The following NCKAP5 variants were observed in gnomAD, a reference collection of about 807,000 sequenced individuals.
NCKAP5 encodes NCK associated protein 5.
NCKAP5 carries 92 observed loss-of-function variants against 167.0 expected under a neutral mutation model. The observed-to-expected ratio is 0.55, with a 90% CI of 0.47 to 0.66. The LOEUF (loss-of-function observed/expected upper bound fraction) is 0.66, where lower values mean the gene tolerates loss of function less well. Ranked by LOEUF, NCKAP5 falls within the 30% of genes least tolerant of loss-of-function variation. The pLI, the probability that NCKAP5 is intolerant of heterozygous loss-of-function variation, is 0.00. For missense variants in NCKAP5, 2,378 were observed against 2,315.0 expected (o/e 1.03, Z -0.56); for synonymous variants, 891 against 877.4 (o/e 1.02, Z -0.27).
At chr2:133,473,695 C>T (rs1056178431) in intron 3 of NCKAP5, among the ~76,000 whole-genome samples, 1 of 152,210 alleles carries the variant, frequency 6.6e-6, no homozygotes, top group African/African-American at 2.4e-5. Context: ...TTCAGCTATT[C>T]TAAAATTACC....
intron 7 of NCKAP5, among the ~76,000 whole-genome samples, chr2:132,981,596 C>T (rs2077144268): frequency 6.6e-6 from 1 of 152,210 alleles, no homozygotes; most frequent in Non-Finnish European, 1.5e-5. Flanking sequence ...AGGAATTAGT[C>T]TATTGAATAA....
chr2:133,407,844 T>C (rs1688534276), intron 3 of NCKAP5, among the ~76,000 whole-genome samples: 4 of 152,172 alleles, frequency 2.6e-5, no homozygotes, highest in Non-Finnish European at 1.5e-5. Flanking sequence ...GGCTTGATAT[T>C]ATAAGTTGTT....
At chr2:133,384,162 T>A in intron 3 of NCKAP5, among the ~76,000 whole-genome samples, 1 of 152,194 alleles carries the variant, frequency 6.6e-6, no homozygotes, top group East Asian at 1.9e-4. Context: ...ATTGCCTAAG[T>A]TTTCTTCTAG....
At position 132,709,700 on chromosome 2, in the gene NCKAP5, T is replaced by A. The variant is rs559941676; in HGVS notation, c.5713+15927A>T. On this transcript the variant is annotated intron_variant, in intron 19 of 19. Coordinates refer to ENST00000409261, the MANE Select transcript of NCKAP5 (RefSeq NM_207363.3). Reference sequence around the variant, plus strand: ...ACTAGTAATAAACTATTAATAAAAGTCACTAACCATCTGCCTACAAACAAA... The same window carrying A: ...ACTAGTAATAAACTATTAATAAAAGACACTAACCATCTGCCTACAAACAAA... Among the ~76,000 whole-genome samples, 19 of 152,180 alleles carry A rather than the reference T, an allele frequency of 1.2e-4. No individual in the cohort carries two copies. In the East Asian group the frequency reaches 3.7e-3, roughly 29 times the overall value.
At chr2:133,065,603 G>A (rs1272984582) in intron 6 of NCKAP5, among the ~76,000 whole-genome samples, 3 of 152,158 alleles carry the variant, frequency 2.0e-5, no homozygotes, top group East Asian at 1.9e-4. Context: ...CCAGCCTGGC[G>A]ACAGAGCGAG....
chr2:133,299,271 A>G (rs1488316304), intron 4 of NCKAP5, among the ~76,000 whole-genome samples: 1 of 152,196 alleles, frequency 6.6e-6, no homozygotes, highest in Non-Finnish European at 1.5e-5. Context: ...GAAAGAAGAT[A>G]AATTTTGAGG....
intron 2 of NCKAP5, among the ~76,000 whole-genome samples, chr2:133,517,801 A>G (rs1311267012): frequency 1.3e-5 from 2 of 152,148 alleles, no homozygotes. Context: ...AGGTTTTGCT[A>G]ATGGAGTTGG....
chr2:133,369,773 T>C (rs1353150035), intron 3 of NCKAP5, among the ~76,000 whole-genome samples: 1 of 152,260 alleles, frequency 6.6e-6, no homozygotes, highest in Non-Finnish European at 1.5e-5. Context: ...TTCTTTCGAT[T>C]TATTTGTGCG....
chr2:133,376,606 G>T (rs947215685), intron 3 of NCKAP5, among the ~76,000 whole-genome samples: 10 of 152,132 alleles, frequency 6.6e-5, no homozygotes, highest in Non-Finnish European at 1.3e-4. Flanking sequence ...CCCAAACTGT[G>T]GGCTGGGTAA....
intron 8 of NCKAP5, among the ~76,000 whole-genome samples, chr2:132,914,518 C>T (rs1694710899): frequency 6.6e-6 from 1 of 151,918 alleles, no homozygotes; most frequent in African/African-American, 2.4e-5. Context: ...CCCCCTTTCA[C>T]AAATAGTCTC....
At chr2:133,306,704 T>C (rs1316391860) in intron 3 of NCKAP5, among the ~76,000 whole-genome samples, 2 of 152,176 alleles carry the variant, frequency 1.3e-5, no homozygotes, top group African/African-American at 4.8e-5. Flanking sequence ...CTGTGATTCT[T>C]ATTATGAGGT....
At chr2:132,992,688 C>T (rs1335903649) in intron 7 of NCKAP5, among the ~76,000 whole-genome samples, 1 of 152,042 alleles carries the variant, frequency 6.6e-6, no homozygotes, top group African/African-American at 2.4e-5. Flanking sequence ...AAATTTTTTC[C>T]CTTTCTTTAG....
At chr2:133,383,468 T>C (rs541800815) in intron 3 of NCKAP5, among the ~76,000 whole-genome samples, 9 of 152,362 alleles carry the variant, frequency 5.9e-5, no homozygotes, top group African/African-American at 2.2e-4. Flanking sequence ...CTATCATTGT[T>C]GGACATTTGG....
chr2:132,848,869 C>A (rs1688871490), intron 11 of NCKAP5, among the ~76,000 whole-genome samples: 1 of 151,954 alleles, frequency 6.6e-6, no homozygotes, highest in Non-Finnish European at 1.5e-5. Flanking sequence ...AAAAAGTGAA[C>A]AGAAAAAGCT....
At chr2:133,367,289 C>CGGA (rs1189253634) in intron 3 of NCKAP5, among the ~76,000 whole-genome samples, 1 of 152,268 alleles carries the variant, frequency 6.6e-6, no homozygotes, top group East Asian at 1.9e-4. Flanking sequence ...AAAGCCACAG[C>CGGA]GGAGGTGACC....
intron 11 of NCKAP5, among the ~76,000 whole-genome samples, chr2:132,835,764 A>G (rs1687847486): frequency 1.3e-5 from 2 of 152,076 alleles, no homozygotes; most frequent in South Asian, 4.1e-4. Flanking sequence ...TATTTTATCC[A>G]AGTAAAATAT....
At chr2:133,672,187 T>C in the NCKAP5 span, among the ~76,000 whole-genome samples, 3 of 152,284 alleles carry the variant, frequency 2.0e-5, no homozygotes, top group East Asian at 5.8e-4. Flanking sequence ...AAAAGACTTC[T>C]AGGTAAAGCA....
chr2:132,684,629 A>T (rs1685691074), intron 19 of NCKAP5, among the ~76,000 whole-genome samples: 1 of 152,234 alleles, frequency 6.6e-6, no homozygotes, highest in Admixed American at 6.5e-5. Context: ...TAGTTGTATT[A>T]TAAACTGCCT....
chr2:132,968,206 C>T (rs1047049378), intron 7 of NCKAP5, among the ~76,000 whole-genome samples: 2 of 152,120 alleles, frequency 1.3e-5, no homozygotes, highest in African/African-American at 4.8e-5. Context: ...GAAGTCTAGA[C>T]GTAGGGGAGT....
Sources: gnomAD v4.1 joint callset for allele counts (sites outside exome capture counted in the v4.1 genomes callset) on GRCh38, gnomAD v4.1.1 for gene constraint, MANE v1.5 for transcripts, NCBI Gene and HGNC (gene_info 2026-07-23, HGNC 2026-07-21) for gene names.